The following F13A1 variants were observed in gnomAD, a reference collection of about 807,000 sequenced individuals.
F13A1 encodes FSF, A subunit.
In F13A1, 47 loss-of-function variants were observed where a neutral mutation model predicts 80.1. The ratio of observed to expected loss-of-function variants is 0.59; its 90% CI spans 0.46 to 0.75. F13A1 has a LOEUF of 0.75. Ranked by LOEUF, F13A1 falls within the 30% of genes least tolerant of loss-of-function variation. The pLI is 0.00. For synonymous variants in F13A1, 349 were observed against 344.9 expected, an observed-to-expected ratio of 1.01 and a Z score of -0.13; for missense variants, 817 against 930.4, an observed-to-expected ratio of 0.88 and a Z score of 1.59.
chr6:6,213,047 G>A (rs1288523362), intron 8 of F13A1, among the ~76,000 whole-genome samples: 1 of 152,192 alleles, frequency 6.6e-6, no homozygotes, highest in Non-Finnish European at 1.5e-5. Context: ...CCAAATCTAC[G>A]TCTGATTGGT....
At chr6:6,304,204 TTTA>T (rs1360701869) in intron 3 of F13A1, among the ~76,000 whole-genome samples, 1 of 150,658 alleles carries the variant, frequency 6.6e-6, no homozygotes, top group African/African-American at 2.4e-5. Flanking sequence ...GTAAGCAATC[TTTA>T]TTATCATTGA....
chr6:6,175,798 T>C (rs1285011671), intron 11 of F13A1, among the ~76,000 whole-genome samples: 1 of 152,060 alleles, frequency 6.6e-6, no homozygotes, highest in Non-Finnish European at 1.5e-5. Context: ...TTTAGGAAAA[T>C]GTTTTGTGCA....
At chr6:6,319,473 C>T (rs994972366) in intron 1 of F13A1, among the ~76,000 whole-genome samples, 2 of 152,204 alleles carry the variant, frequency 1.3e-5, no homozygotes, top group Non-Finnish European at 2.9e-5. Context: ...GCTTCCCCTT[C>T]CCTTGGAGCT....
At chr6:6,300,615 C>G (rs201617243) in intron 3 of F13A1, among the ~76,000 whole-genome samples, 1 of 152,206 alleles carries the variant, frequency 6.6e-6, no homozygotes, top group East Asian at 1.9e-4. Flanking sequence ...GCACAGTGCA[C>G]GCACCCACTG....
intron 10 of F13A1, among the ~76,000 whole-genome samples, chr6:6,195,384 A>G (rs1044481593): frequency 2.6e-5 from 4 of 152,178 alleles, no homozygotes; most frequent in Non-Finnish European, 5.9e-5. Flanking sequence ...GGGTGTGTGT[A>G]TGTGGATTTT....
At chr6:6,289,106 T>C (rs1158303876) in intron 3 of F13A1, among the ~76,000 whole-genome samples, 1 of 152,196 alleles carries the variant, frequency 6.6e-6, no homozygotes. Flanking sequence ...CTATACATTA[T>C]CTCCTTTAAC....
chr6:6,242,476 A>T (rs1757495662), intron 6 of F13A1, among the ~76,000 whole-genome samples: 1 of 152,206 alleles, frequency 6.6e-6, no homozygotes, highest in Non-Finnish European at 1.5e-5. Flanking sequence ...ATAGTCCAGG[A>T]TGGCAGCAGT....
chr6:6,318,310 C>G (rs1323479737), intron 2 of F13A1, among the ~76,000 whole-genome samples: 1 of 152,222 alleles, frequency 6.6e-6, no homozygotes, highest in Non-Finnish European at 1.5e-5. Flanking sequence ...TCTGAGGTTA[C>G]AAGGTCAGTA....
intron 6 of F13A1, among the ~76,000 whole-genome samples, chr6:6,230,921 G>C (rs111290327): frequency 0.026 from 3,904 of 152,238 alleles, 150 homozygotes; most frequent in African/African-American, 0.089. Context: ...CATCCCATGG[G>C]ACAAAATAAT....
At chr6:6,283,207 C>T (rs927161155) in intron 3 of F13A1, among the ~76,000 whole-genome samples, 2 of 152,216 alleles carry the variant, frequency 1.3e-5, no homozygotes, top group African/African-American at 4.8e-5. Flanking sequence ...CTAAAAATTA[C>T]TGCCTTGTAA....
intron 12 of F13A1, among the ~76,000 whole-genome samples, chr6:6,172,324 C>A (rs567809166): frequency 6.6e-6 from 1 of 152,198 alleles, no homozygotes; most frequent in African/African-American, 2.4e-5. Flanking sequence ...CTGTTTTAAA[C>A]AATCCCCATG....
rs574962160 is a variant in F13A1, at chr6:6,223,501, CA to C, written c.973+1184del. On this transcript the variant is annotated intron_variant, in intron 7 of 14. Coordinates refer to ENST00000264870, the MANE Select transcript of F13A1 (RefSeq NM_000129.4). ...GGATGACCTCCAACCTTTAACCTAC[CA>C]TGAAGTTCCGGCTTCTATCTGGAAC... Among the ~76,000 whole-genome samples, 45 of 152,242 alleles carry C rather than the reference CA, an allele frequency of 3.0e-4. 1 individual carries two copies. Among genetic ancestry groups the C allele is most frequent in the South Asian group, 1.0e-3 (5 of 4,828 alleles).
chr6:6,198,311 T>C (rs949805016), intron 8 of F13A1, among the ~76,000 whole-genome samples: 1 of 152,202 alleles, frequency 6.6e-6, no homozygotes, highest in African/African-American at 2.4e-5. Flanking sequence ...ATTATGTCCT[T>C]GAAAAGACCT....
chr6:6,171,316 C>T (rs2151073933), intron 12 of F13A1, among the ~76,000 whole-genome samples: 1 of 152,324 alleles, frequency 6.6e-6, no homozygotes, highest in South Asian at 2.1e-4. Flanking sequence ...GGCTTGAACA[C>T]ATCGACTCAT....
At chr6:6,218,016 C>G (rs1307705474) in intron 8 of F13A1, among the ~76,000 whole-genome samples, 1 of 137,250 alleles carries the variant, frequency 7.3e-6, no homozygotes, top group East Asian at 2.0e-4. Context: ...TAAAATAGAT[C>G]AGACACTGCT....
At chr6:6,198,339 C>A (rs1260560989) in intron 8 of F13A1, among the ~76,000 whole-genome samples, 1 of 151,776 alleles carries the variant, frequency 6.6e-6, no homozygotes, top group Non-Finnish European at 1.5e-5. Flanking sequence ...TATGACAGTA[C>A]AGAATCAAAT....
intron 2 of F13A1, among the ~76,000 whole-genome samples, chr6:6,311,038 CT>C (rs71312605): frequency 2.7e-5 from 4 of 149,258 alleles, no homozygotes; most frequent in Admixed American, 6.6e-5. Flanking sequence ...AAACATCTGT[CT>C]TTTTTTTTTT....
At chr6:6,240,713 C>A (rs1250042376) in intron 6 of F13A1, among the ~76,000 whole-genome samples, 1 of 152,124 alleles carries the variant, frequency 6.6e-6, no homozygotes, top group Non-Finnish European at 1.5e-5. Context: ...ATATATCTGT[C>A]AATTTTTTAA....
chr6:6,176,940 T>C (rs1760891415), intron 11 of F13A1, among the ~76,000 whole-genome samples: 4 of 152,196 alleles, frequency 2.6e-5, no homozygotes, highest in Non-Finnish European at 5.9e-5. Flanking sequence ...GGGGAAGCAC[T>C]GTCCTCTGTG....
Sources: allele counts gnomAD v4.1 joint callset (sites outside exome capture counted in the v4.1 genomes callset), GRCh38; gene constraint gnomAD v4.1.1; transcripts MANE v1.5; gene names NCBI Gene and HGNC (gene_info 2026-07-23, HGNC 2026-07-21).